ZNF609: variants seen among roughly 807,000 people sequenced by gnomAD.
ZNF609 encodes zinc finger protein 609.
A neutral mutation model predicts 109.5 loss-of-function variants in ZNF609; 11 were observed. That is an observed-to-expected ratio of 0.10 (90% confidence interval 0.06 to 0.17). The LOEUF is 0.17. ZNF609 is among the 10% of genes least tolerant of loss of function. The probability of loss-of-function intolerance (pLI) is 1.00; values close to 1 mark genes in which losing one functional copy is unlikely to be tolerated. For missense variants in ZNF609, 1,559 were observed against 1,772.4 expected (o/e 0.88, Z 2.16); for synonymous variants, 646 against 662.0 (o/e 0.98, Z 0.37).
At chr15:64,577,139 A>ATATATACATATATGTGT (rs1175570094) in intron 2 of ZNF609, among the ~76,000 whole-genome samples, 2 of 28,242 alleles carry the variant, frequency 7.1e-5, no homozygotes, top group African/African-American at 1.3e-4. Context: ...TATACACACA[A>ATATATACATATATGTGT]ATATATACAT....
intron 3 of ZNF609, among the ~76,000 whole-genome samples, chr15:64,624,946 G>A (rs1216583111): frequency 6.6e-6 from 1 of 151,906 alleles, no homozygotes; most frequent in Non-Finnish European, 1.5e-5. Context: ...TTTTAGTAGA[G>A]ATGGGGTTTC....
At chr15:64,479,284 A>ATT (rs34496032) in intron 1 of ZNF609, among the ~76,000 whole-genome samples, 61,125 of 86,090 alleles carry the variant, frequency 0.71, 24,535 homozygotes, top group East Asian at 0.87. Context: ...TACCTGTGTG[A>ATT]TTTTTTTTTT....
chr15:64,623,239 C>G (rs1895905070), intron 3 of ZNF609, among the ~76,000 whole-genome samples, 187 bp downstream of exon 3: 1 of 152,164 alleles, frequency 6.6e-6, no homozygotes, highest in Non-Finnish European at 1.5e-5. Flanking sequence ...GAGATTCTTC[C>G]CTTCATAGTA....
intron 1 of ZNF609, among the ~76,000 whole-genome samples, chr15:64,478,974 C>G (rs539439476): frequency 6.6e-6 from 1 of 152,234 alleles, no homozygotes; most frequent in South Asian, 2.1e-4. Flanking sequence ...AACTGTATTG[C>G]TTTTATTAGT....
chr15:64,515,199 AGT>A (rs35064607), intron 2 of ZNF609, among the ~76,000 whole-genome samples: 1 of 152,152 alleles, frequency 6.6e-6, no homozygotes, highest in Non-Finnish European at 1.5e-5. Flanking sequence ...TACCTTTGAC[AGT>A]GAGGTGTTTT....
intron 3 of ZNF609, among the ~76,000 whole-genome samples, chr15:64,632,507 A>T (rs1029138997): frequency 1.3e-5 from 2 of 151,578 alleles, no homozygotes; most frequent in African/African-American, 4.8e-5. Context: ...TTTGAGACAG[A>T]GTCTTACTCT....
At chr15:64,586,340 AAAG>A (rs895584739) in intron 2 of ZNF609, among the ~76,000 whole-genome samples, 2 of 152,078 alleles carry the variant, frequency 1.3e-5, no homozygotes, top group Admixed American at 1.3e-4. Flanking sequence ...AAAAAAAAAA[AAAG>A]AATAACTTGA....
rs979028815 is a variant in ZNF609, at chr15:64,562,784, A to G, written c.748-60043A>G. 2.0e-5 allele frequency among the ~76,000 whole-genome samples: 3 copies of G among 152,032 alleles called. No individual in the cohort carries two copies. The East Asian group carries it at 5.8e-4, about 29-fold the overall frequency. On this transcript the variant is annotated intron_variant, in intron 2 of 9. Transcript: ENST00000326648. ...CATACATTCATCCCTAAACAATCAA[A>G]TCTCAGTAAAAATTTTAATATTAGC...
At chr15:64,586,526 G>A (rs1221304616) in intron 2 of ZNF609, among the ~76,000 whole-genome samples, 1 of 152,070 alleles carries the variant, frequency 6.6e-6, no homozygotes. Flanking sequence ...TCTCATAGGA[G>A]CGGGAACCCT....
chr15:64,576,967 CATAAATATATATATGTATGT>C (rs1567019007), intron 2 of ZNF609, among the ~76,000 whole-genome samples: 17 of 133,072 alleles, frequency 1.3e-4, no homozygotes, highest in African/African-American at 4.6e-4. Flanking sequence ...TATATATACA[CATAAATATATATATGTATGT>C]ATACACATAA....
intron 2 of ZNF609, among the ~76,000 whole-genome samples, chr15:64,581,002 T>C (rs1895095283): frequency 1.0e-5 from 1 of 97,442 alleles, no homozygotes; most frequent in Non-Finnish European, 2.1e-5. Context: ...CTCGCTCTGT[T>C]GCCCAGACAA....
At chr15:64,575,125 C>G (rs997105727) in intron 2 of ZNF609, among the ~76,000 whole-genome samples, 19 of 152,126 alleles carry the variant, frequency 1.2e-4, no homozygotes, top group Admixed American at 9.8e-4. Flanking sequence ...GAAACAGCCT[C>G]AAAGTGTGAA....
At chr15:64,632,954 A>T (rs1055334317) in intron 3 of ZNF609, among the ~76,000 whole-genome samples, 1 of 145,568 alleles carries the variant, frequency 6.9e-6, no homozygotes. Flanking sequence ...TTTTGTTTTA[A>T]TTTTTTTTTT....
intron 3 of ZNF609, among the ~76,000 whole-genome samples, chr15:64,634,627 C>G (rs1330878043): frequency 6.6e-6 from 1 of 152,134 alleles, no homozygotes; most frequent in African/African-American, 2.4e-5. Flanking sequence ...ATTAATGCCC[C>G]TTCACCTTCA....
At chr15:64,546,946 A>G (rs1350126396) in intron 2 of ZNF609, among the ~76,000 whole-genome samples, 1 of 151,588 alleles carries the variant, frequency 6.6e-6, no homozygotes, top group Non-Finnish European at 1.5e-5. Context: ...GCACGCCACC[A>G]CACCTGGCTA....
In ZNF609 at chr15:64,590,578, C is replaced by T. The variant is rs1895276291; in HGVS notation, c.748-32249C>T. Among the ~76,000 whole-genome samples, 5 of 151,982 alleles carry T rather than the reference C, an allele frequency of 3.3e-5. No individual in the cohort carries two copies. The South Asian group carries it at 1.0e-3, about 32-fold the overall frequency. ...AGATGATCCATCCACCTTGGCCTCCCAAAGTGCTGGAATTGCCCACGTGAG... is the reference window on the plus strand; with the variant it reads ...AGATGATCCATCCACCTTGGCCTCCTAAAGTGCTGGAATTGCCCACGTGAG... On this transcript the variant is annotated intron_variant, in intron 2 of 9. Coordinates refer to ENST00000326648, the MANE Select transcript of ZNF609 (RefSeq NM_015042.2).
intron 3 of ZNF609, among the ~76,000 whole-genome samples, chr15:64,662,433 C>G (rs561967091): frequency 5.8e-4 from 89 of 152,206 alleles, no homozygotes; most frequent in East Asian, 7.7e-4. Flanking sequence ...TCAAGTGATC[C>G]CCCCATGTCA....
chr15:64,586,524 G>T (rs1895200167), intron 2 of ZNF609, among the ~76,000 whole-genome samples: 1 of 152,156 alleles, frequency 6.6e-6, no homozygotes, highest in Non-Finnish European at 1.5e-5. Flanking sequence ...ATTCTCATAG[G>T]AGCGGGAACC....
intron 1 of ZNF609, among the ~76,000 whole-genome samples, chr15:64,491,748 G>A (rs537125612): frequency 2.2e-4 from 33 of 152,268 alleles, no homozygotes; most frequent in Non-Finnish European, 4.1e-4. Flanking sequence ...GGGAGGCTGA[G>A]GCAGAAGAAT....
Sources: allele counts gnomAD v4.1 joint callset (sites outside exome capture counted in the v4.1 genomes callset), GRCh38; gene constraint gnomAD v4.1.1; transcripts MANE v1.5; gene names NCBI Gene and HGNC (gene_info 2026-07-23, HGNC 2026-07-21).